NR1H3: variants seen among roughly 807,000 people sequenced by gnomAD.
NR1H3 encodes oxysterols receptor LXR-alpha.
A neutral mutation model predicts 48.1 loss-of-function variants in NR1H3; 19 were observed. The observed-to-expected ratio is 0.40, with a 90% CI of 0.28 to 0.58. NR1H3 has a LOEUF of 0.58. Ranked by LOEUF, NR1H3 falls within the 20% of genes least tolerant of loss-of-function variation. NR1H3 has a pLI of 0.50. For missense variants in NR1H3, 486 were observed against 595.9 expected, an observed-to-expected ratio of 0.82 and a Z score of 1.92; for synonymous variants, 232 against 227.3, an observed-to-expected ratio of 1.02 and a Z score of -0.19.
intron 1 of NR1H3, chr11:47,249,014 C>A: frequency 6.8e-7 from 1 of 1,472,262 alleles, no homozygotes; most frequent in Non-Finnish European, 9.0e-7. Flanking sequence ...CGCGACCTGG[C>A]GCGGCAGACA....
intron 7 of NR1H3, among the ~76,000 whole-genome samples, chr11:47,265,835 G>A (rs1341801714): frequency 1.3e-5 from 2 of 152,136 alleles, no homozygotes; most frequent in African/African-American, 4.8e-5. Flanking sequence ...TCATGCAACT[G>A]CACTCTAGTC....
In NR1H3 at chr11:47,252,055, C is replaced by CA. The variant is rs1322906904; in HGVS notation, c.-93+3068dup. Among the ~76,000 whole-genome samples the CA allele has an allele frequency of 2.4e-3, 149 of 63,114 alleles. 1 individual carries two copies. Among genetic ancestry groups the CA allele is most frequent in the Middle Eastern group, 0.011 (1 of 90 alleles). 41.4% of individuals were successfully genotyped at this position (63,114 alleles called of 152,430 possible). Reference sequence around the variant, plus strand: ...ACACTTTGGTTCGTAACTACAGGTGCAAAAAAAAAAAAGAAAAAAAAAAAA... The same window carrying CA: ...ACACTTTGGTTCGTAACTACAGGTGCAAAAAAAAAAAAAGAAAAAAAAAAAA... On this transcript the variant is annotated intron_variant, in intron 1 of 8. Transcript: ENST00000395397.
At chr11:47,259,401 C>G (rs947128029) in intron 2 of NR1H3, 142 bp downstream of exon 2, 27 of 1,578,166 alleles carry the variant, frequency 1.7e-5, no homozygotes, top group Non-Finnish European at 2.3e-5. Flanking sequence ...TTGCCTCCCG[C>G]CCAGATCACC....
At chr11:47,253,086 G>C (rs138597018), upstream of NR1H3, among the ~76,000 whole-genome samples, 430 of 145,020 alleles carry the variant, frequency 3.0e-3, 1 homozygote, top group Middle Eastern at 0.028. Flanking sequence ...AGCCCCCCAA[G>C]TGGCTGGGAC....
chr11:47,255,536 T>C (rs975542077), upstream of NR1H3, among the ~76,000 whole-genome samples: 2 of 125,814 alleles, frequency 1.6e-5, no homozygotes, highest in South Asian at 2.8e-4. Context: ...TCTTTCTTTC[T>C]TTCTTTTTCT....
At chr11:47,262,935 C>T (rs545556107) in intron 7 of NR1H3, among the ~76,000 whole-genome samples, 14 of 152,292 alleles carry the variant, frequency 9.2e-5, no homozygotes, top group Non-Finnish European at 1.0e-4. Context: ...TGATAGGCTT[C>T]TCTCAGCTGC....
chr11:47,267,656 C>T (rs1481682325), intron 7 of NR1H3, among the ~76,000 whole-genome samples: 2 of 152,090 alleles, frequency 1.3e-5, no homozygotes, highest in Admixed American at 6.5e-5. Context: ...TTACAGGCAC[C>T]TGCCACCACG....
In NR1H3 at chr11:47,268,330, C is replaced by T. The variant is rs367675688; in HGVS notation, c.1172C>T (p.Ala391Val). Residue 391 changes from alanine to valine, a missense_variant, in exon 9 of 10, where the codon GCC becomes GTC. Ala to Val is a moderately conservative substitution (Grantham distance 64, BLOSUM62 0). Coordinates refer to ENST00000441012, the MANE Select transcript of NR1H3 (RefSeq NM_005693.4). ...CACACATATGTGGAAGCCCTGCATGCCTACGTCTCCATCCACCATCCCCAT... is the reference window on the plus strand; with the variant it reads ...CACACATATGTGGAAGCCCTGCATGTCTACGTCTCCATCCACCATCCCCAT... ...LQHTYVEALH[A>V]YVSIHHPHDR... The T allele has an allele frequency of 1.9e-6, 3 of 1,614,138 alleles. No individual in the cohort carries two copies. Among genetic ancestry groups the T allele is most frequent in the South Asian group, 2.2e-5 (2 of 91,076 alleles).
upstream of NR1H3, among the ~76,000 whole-genome samples, chr11:47,256,823 C>T (rs555426540): frequency 1.4e-4 from 21 of 151,082 alleles, no homozygotes; most frequent in Non-Finnish European, 2.5e-4. Flanking sequence ...CTCTGCCTCC[C>T]GGGTTCACGC....
Position 47,268,746 on chromosome 11 carries a change from G to T in NR1H3, c.*50G>T. 6.3e-7 allele frequency: 1 copy of T among 1,595,284 alleles called. No homozygotes were observed. ...TTTCTTGGCCGGATGGCTGAGGCCTGGTGGCTGCCTCCTAGAAGTGGAACA... is the reference window on the plus strand; with the variant it reads ...TTTCTTGGCCGGATGGCTGAGGCCTTGTGGCTGCCTCCTAGAAGTGGAACA... On this transcript the variant is annotated 3_prime_UTR_variant, in exon 10 of 10. Coordinates refer to ENST00000441012, the MANE Select transcript of NR1H3 (RefSeq NM_005693.4).
chr11:47,261,441 C>G lies in NR1H3; in HGVS notation c.700C>G (p.Arg234Gly), dbSNP rs1274770967. 3 of 1,613,936 alleles carry G rather than the reference C, an allele frequency of 1.9e-6. No individual in the cohort carries two copies. The highest frequency in any genetic ancestry group is 2.7e-5 in the African/African-American group (2 of 74,916). ...CNRRSFSDRL[R>G]VTPWPMAPDP... ...CCGGCGCTCCTTTTCTGACCGGCTT[C>G]GAGTCACGGTACTTGACACACCTGG... is the stretch of plus-strand genomic sequence containing the variant. The change falls in exon 5 of 10, where the codon CGA (arginine) becomes GGA (glycine). Residue 234 changes from arginine to glycine, a missense_variant. Arg to Gly is a moderately radical substitution (Grantham distance 125). Transcript: ENST00000441012.
chr11:47,255,562 T>C (rs1443468941), upstream of NR1H3, among the ~76,000 whole-genome samples: 3 of 74,888 alleles, frequency 4.0e-5, no homozygotes, highest in African/African-American at 2.2e-4. Context: ...TCTTTCTTTC[T>C]TTCTTTCTTT....
chr11:47,264,400 T>C (rs1343810865), intron 7 of NR1H3, among the ~76,000 whole-genome samples: 1 of 152,256 alleles, frequency 6.6e-6, no homozygotes, highest in Non-Finnish European at 1.5e-5. Context: ...CTCTTCGCTG[T>C]AGGGCATAAC....
rs1184645336 is a variant in NR1H3, at chr11:47,268,949, A to C, written c.*253A>C. On this transcript the variant is annotated 3_prime_UTR_variant, in exon 10 of 10. Coordinates refer to ENST00000441012, the MANE Select transcript of NR1H3 (RefSeq NM_005693.4). ...CGGATGGGCCTGGGGGCCACTTTGC[A>C]CAGGGTTCTCCAGAGCCCTGCCCAT... is the stretch of plus-strand genomic sequence containing the variant. 2 of 499,884 alleles carry C rather than the reference A, an allele frequency of 4.0e-6. No homozygotes were observed. The highest frequency in any genetic ancestry group is 7.1e-5 in the Admixed American group (2 of 28,090). 31.0% of individuals were successfully genotyped at this position (499,884 alleles called of 1,614,324 possible).
At chr11:47,250,579 C>T (rs1217552638) in intron 1 of NR1H3, 4 of 152,218 alleles carry the variant, frequency 2.6e-5, no homozygotes, top group Non-Finnish European at 5.9e-5. Flanking sequence ...GGTAGCCAAA[C>T]AGTTCTTAAC....
Position 47,259,778 on chromosome 11 carries a change from T to C in NR1H3, c.44-13T>C. 6.2e-7 allele frequency: 1 copy of C among 1,611,894 alleles called. No homozygotes were observed. On this transcript the variant is annotated splice_polypyrimidine_tract_variant and intron_variant, in intron 2 of 9. Transcript: ENST00000441012. ...GGCCTGAGACCCCCTTGTGCCTCTC[T>C]TTTGGAGCTCAGACTCTGCGGTGGA...
chr11:47,249,993 T>C (rs1954498649), intron 1 of NR1H3, among the ~76,000 whole-genome samples: 1 of 151,776 alleles, frequency 6.6e-6, no homozygotes, highest in Non-Finnish European at 1.5e-5. Flanking sequence ...CCAGCTACTC[T>C]GGAGGCTGAG....
At chr11:47,267,665 C>T (rs1035093458) in intron 7 of NR1H3, among the ~76,000 whole-genome samples, 4 of 152,136 alleles carry the variant, frequency 2.6e-5, no homozygotes, top group African/African-American at 4.8e-5. Context: ...CCTGCCACCA[C>T]GCCCGGCTAG....
At position 47,258,038 on chromosome 11, in the gene NR1H3, G is replaced by A. The variant is rs1040747184; in HGVS notation, c.-129G>A. The stretch of plus-strand genomic sequence containing the variant: ...CTCCAGCTCACTGGCTGGCCACCGA[G>A]ACTTCTGGACAGGAAACTGCACCAT... On this transcript the variant is annotated 5_prime_UTR_variant, in exon 1 of 10. Coordinates refer to ENST00000441012, the MANE Select transcript of NR1H3 (RefSeq NM_005693.4). 6.1e-6 allele frequency: 6 copies of A among 985,372 alleles called. No homozygotes were observed. The African/African-American group carries it at 1.0e-4, about 17-fold the overall frequency. The allele number at this position is 985,372 out of a possible 1,614,324, so 61.0% of individuals were successfully genotyped here.
Sources: allele counts gnomAD v4.1 joint callset (sites outside exome capture counted in the v4.1 genomes callset), GRCh38; gene constraint gnomAD v4.1.1; transcripts MANE v1.5; gene names NCBI Gene and HGNC (gene_info 2026-07-23, HGNC 2026-07-21).